Variants in GRM8 observed in about 807,000 individuals in gnomAD.
GRM8 encodes glutamate metabotropic receptor 8.
In GRM8, 47 loss-of-function variants were observed where a neutral mutation model predicts 87.2. The ratio of observed to expected loss-of-function variants is 0.54; its 90% CI spans 0.43 to 0.69. The LOEUF (loss-of-function observed/expected upper bound fraction) is 0.69, where lower values mean the gene tolerates loss of function less well. Ranked by LOEUF, GRM8 falls within the 30% of genes least tolerant of loss-of-function variation. The pLI, the probability that GRM8 is intolerant of heterozygous loss-of-function variation, is 0.00. For missense variants in GRM8, 1,019 were observed against 1,139.2 expected (o/e 0.89, Z 1.52); for synonymous variants, 396 against 404.5 (o/e 0.98, Z 0.25).
At chr7:127,189,679 G>T (rs1455553866) in intron 2 of GRM8, among the ~76,000 whole-genome samples, 2 of 152,128 alleles carry the variant, frequency 1.3e-5, no homozygotes, top group Non-Finnish European at 2.9e-5. Context: ...GATAACTGTG[G>T]GTGAAAAGAA....
chr7:127,014,313 T>C (rs1381558047), intron 3 of GRM8, among the ~76,000 whole-genome samples: 1 of 152,156 alleles, frequency 6.6e-6, no homozygotes, highest in Non-Finnish European at 1.5e-5. Flanking sequence ...TTAACTTATC[T>C]AGTACTCAAA....
intron 6 of GRM8, among the ~76,000 whole-genome samples, chr7:126,828,196 G>A (rs989265845): frequency 1.6e-4 from 25 of 152,160 alleles, no homozygotes; most frequent in African/African-American, 4.1e-4. Context: ...GTCTCTGCCC[G>A]GCTTTGGTAT....
At chr7:126,598,603 T>C (rs1797438575) in intron 8 of GRM8, among the ~76,000 whole-genome samples, 1 of 152,008 alleles carries the variant, frequency 6.6e-6, no homozygotes, top group South Asian at 2.1e-4. Flanking sequence ...AAATATTTTA[T>C]GAATTAAGGC....
intron 7 of GRM8, among the ~76,000 whole-genome samples, chr7:126,747,367 G>T (rs1213519815): frequency 6.6e-6 from 1 of 151,946 alleles, no homozygotes; most frequent in Admixed American, 6.6e-5. Flanking sequence ...ATTATGCTCT[G>T]TGGTCATGCA....
chr7:126,668,069 T>C (rs1210668990), intron 7 of GRM8, among the ~76,000 whole-genome samples: 1 of 152,126 alleles, frequency 6.6e-6, no homozygotes. Flanking sequence ...CCACAGAAGT[T>C]CCAGCCCTTT....
intron 7 of GRM8, among the ~76,000 whole-genome samples, chr7:126,694,715 A>C (rs889551625): frequency 1.3e-5 from 2 of 152,230 alleles, no homozygotes; most frequent in Non-Finnish European, 2.9e-5. Context: ...CTGCTTAGGC[A>C]AAACTAGTTA....
chr7:127,217,667 C>T (rs538745672), intron 2 of GRM8, among the ~76,000 whole-genome samples: 1 of 152,304 alleles, frequency 6.6e-6, no homozygotes, highest in East Asian at 1.9e-4. Context: ...TCTCTCATAT[C>T]CCTTCCATCT....
At chr7:126,910,601 T>C (rs1431085327) in intron 3 of GRM8, among the ~76,000 whole-genome samples, 1 of 152,214 alleles carries the variant, frequency 6.6e-6, no homozygotes, top group Non-Finnish European at 1.5e-5. Context: ...GAGGAAGTTG[T>C]CACTGAAATG....
At chr7:126,614,304 G>T (rs1799222308) in intron 7 of GRM8, among the ~76,000 whole-genome samples, 1 of 152,192 alleles carries the variant, frequency 6.6e-6, no homozygotes, top group African/African-American at 2.4e-5. Flanking sequence ...CAACAGACCT[G>T]CAGCTGAGGG....
chr7:126,797,251 G>A (rs376120651), intron 6 of GRM8, among the ~76,000 whole-genome samples: 5 of 151,940 alleles, frequency 3.3e-5, no homozygotes, highest in East Asian at 1.9e-4. Context: ...GAGTTACCAC[G>A]CTAAACCTCT....
At position 126,976,500 on chromosome 7, in the gene GRM8, A is replaced by C. The variant is rs183154803; in HGVS notation, c.728-71817T>G. Among the ~76,000 whole-genome samples, 683 of 152,274 alleles carry C rather than the reference A, an allele frequency of 4.5e-3. 5 individuals are homozygous for C. Among genetic ancestry groups the C allele is most frequent in the Non-Finnish European group, 6.3e-3 (429 of 68,016 alleles). On this transcript the variant is annotated intron_variant, in intron 3 of 10. Transcript: ENST00000339582. ...TCCCAGCTACTCGGGAGGCTGAGGC[A>C]GGACAATCGCTTGAACCTAGGAGGC...
intron 2 of GRM8, among the ~76,000 whole-genome samples, chr7:127,188,912 TA>T (rs1180401515): frequency 2.0e-5 from 3 of 152,234 alleles, no homozygotes; most frequent in African/African-American, 7.2e-5. Context: ...TATCTTGTAT[TA>T]AACGATCACA....
intron 8 of GRM8, among the ~76,000 whole-genome samples, chr7:126,570,847 C>A (rs1004502621): frequency 1.1e-4 from 17 of 152,200 alleles, no homozygotes; most frequent in African/African-American, 3.9e-4. Context: ...TCATAAATAC[C>A]CCAAAAAGTT....
chr7:126,980,439 T>G (rs531528854), intron 3 of GRM8, among the ~76,000 whole-genome samples: 3 of 152,340 alleles, frequency 2.0e-5, no homozygotes, highest in African/African-American at 7.2e-5. Context: ...TGCTTTCTCT[T>G]GATTTTCTTC....
chr7:127,232,851 T>C (rs180956243), intron 2 of GRM8, among the ~76,000 whole-genome samples: 16 of 152,222 alleles, frequency 1.1e-4, no homozygotes, highest in African/African-American at 3.9e-4. Context: ...GTTTTTGTTT[T>C]GTTTTTGAGA....
intron 3 of GRM8, among the ~76,000 whole-genome samples, chr7:127,065,825 A>C (rs995568842): frequency 1.3e-5 from 2 of 152,094 alleles, no homozygotes; most frequent in Non-Finnish European, 2.9e-5. Flanking sequence ...CAACTACTAA[A>C]ATTCCTGGTC....
chr7:126,707,641 C>T (rs1215892457), intron 7 of GRM8, among the ~76,000 whole-genome samples: 1 of 152,080 alleles, frequency 6.6e-6, no homozygotes, highest in East Asian at 1.9e-4. Context: ...TCAACTGATA[C>T]TCAACAATAA....
At chr7:127,143,283 TAATA>T (rs1254555495) in intron 2 of GRM8, among the ~76,000 whole-genome samples, 2 of 152,280 alleles carry the variant, frequency 1.3e-5, no homozygotes, top group East Asian at 3.9e-4. Context: ...ATTTTATCCT[TAATA>T]AATAGTCACT....
chr7:126,721,975 A>G (rs959656451), intron 7 of GRM8, among the ~76,000 whole-genome samples: 2 of 152,090 alleles, frequency 1.3e-5, no homozygotes, highest in African/African-American at 4.8e-5. Flanking sequence ...AGTTGTACCA[A>G]TGAACACTTA....
Sources: gnomAD v4.1 joint callset for allele counts (sites outside exome capture counted in the v4.1 genomes callset) on GRCh38, gnomAD v4.1.1 for gene constraint, MANE v1.5 for transcripts, NCBI Gene and HGNC (gene_info 2026-07-23, HGNC 2026-07-21) for gene names.